Variants in STXBP2 observed in about 807,000 individuals in gnomAD.
The protein encoded by STXBP2 is syntaxin binding protein 2, also known as syntaxin-binding protein 2.
A neutral mutation model predicts 72.2 loss-of-function variants in STXBP2; 47 were observed. The observed-to-expected ratio is 0.65, with a 90% CI of 0.51 to 0.83. STXBP2 has a LOEUF of 0.83. Ranked by LOEUF, STXBP2 falls within the 40% of genes least tolerant of loss-of-function variation. The pLI is 0.00. For synonymous variants in STXBP2, 367 were observed against 338.7 expected (o/e 1.08, Z -0.92); for missense variants, 702 against 807.6 (o/e 0.87, Z 1.58).
Position 7,647,752 on chromosome 19 carries a change from G to T in STXBP2, c.1724G>T (p.Arg575Leu), listed in dbSNP as rs751679761. 7 of 1,613,718 alleles carry T rather than the reference G, an allele frequency of 4.3e-6. No homozygotes were observed. The highest frequency in any genetic ancestry group is 1.3e-5 in the African/African-American group (1 of 74,746). ...IGSSHILTPT[R>L]FLDDLKALDK... ...TCCTCACACATCCTCACCCCGACCC[G>T]CTTCCTGGATGACCTGAAGGCACTG... The change falls in exon 19 of 19, where the codon CGC becomes CTC. Residue 575 changes from arginine to leucine, a missense_variant. By Grantham distance (102) the Arg-to-Leu change is moderately radical. Coordinates refer to ENST00000221283, the MANE Select transcript of STXBP2 (RefSeq NM_006949.4).
In STXBP2 at chr19:7,642,147, G is replaced by A. The variant is rs756273504; in HGVS notation, c.663+29G>A. ...AGGGGGCGTGCTTGGGAGGTGAGGG[G>A]CAGCCCCAACCGGCTCAGGGTCAGT... On this transcript the variant is annotated intron_variant, in intron 8 of 18. Transcript: ENST00000221283. The surrounding 1 kb of genome is among the most constrained non-coding windows in gnomAD (Gnocchi z 6.0). 2 of 1,613,914 alleles carry A rather than the reference G, an allele frequency of 1.2e-6. No homozygotes were observed. Among genetic ancestry groups the A allele is most frequent in the African/African-American group, 2.7e-5 (2 of 74,898 alleles).
chr19:7,640,777 C>T lies in STXBP2; in HGVS notation c.293C>T (p.Thr98Ile), dbSNP rs2031837355. The change falls in exon 5 of 19, where the codon ACC (threonine) becomes ATC (isoleucine). Residue 98 changes from threonine (T) to isoleucine (I), a missense_variant. Transcript: ENST00000221283. ...GACTTCCAGGGGACCCCGACTTTCA[C>T]CTACAAAGCGGCCCATATCTTCTTC... ...IKDFQGTPTFTYKAAHIFFTD... is the reference protein window; with the variant it reads ...IKDFQGTPTFIYKAAHIFFTD... The T allele has an allele frequency of 6.2e-7, 1 of 1,614,174 alleles. No individual in the cohort carries two copies. Among genetic ancestry groups the T allele is most frequent in the East Asian group, 2.2e-5 (1 of 44,890 alleles).
intron 18 of STXBP2, 40 bp from the exon 19 acceptor site, chr19:7,647,685 C>T (rs1405515663): frequency 5.6e-6 from 9 of 1,607,810 alleles, no homozygotes; most frequent in South Asian, 4.4e-5. Flanking sequence ...ACGAAGGCAG[C>T]GCCCCCCAAC....
In STXBP2 at chr19:7,647,837, C is replaced by T; in HGVS notation, c.*27C>T. 1 of 1,585,166 alleles carries T rather than the reference C, an allele frequency of 6.3e-7. No individual in the cohort carries two copies. The highest frequency in any genetic ancestry group is 8.6e-7 in the Non-Finnish European group (1 of 1,156,446). ...CCCTGGCCCCGCCCCCTACCCCTCC[C>T]TTTCCAGAGAAATAAACTCTTCCCG... On this transcript the variant is annotated 3_prime_UTR_variant, in exon 19 of 19. Transcript: ENST00000221283.
rs1599389798 is a variant in STXBP2, at chr19:7,639,243, C to T, written c.169+143C>T. 15 of 896,146 alleles carry T rather than the reference C, an allele frequency of 1.7e-5. No homozygotes were observed. The East Asian group carries it at 4.0e-4, about 24-fold the overall frequency. 55.5% of individuals were successfully genotyped at this position (896,146 alleles called of 1,614,324 possible). A position where few individuals can be genotyped will look rare whatever the true frequency, so the allele number is the denominator to read the frequency against. Reference sequence around the variant, plus strand: ...GTACGCAGCTCCCTGCACGGACAGCCCGGATCATGTGACCAAATCCATTCT... The same window carrying T: ...GTACGCAGCTCCCTGCACGGACAGCTCGGATCATGTGACCAAATCCATTCT... On this transcript the variant is annotated intron_variant, in intron 3 of 18. Transcript: ENST00000221283.
intron 4 of STXBP2, 126 bp downstream of exon 4, chr19:7,639,933 TGTGTGC>T (rs2031731358): frequency 2.4e-6 from 1 of 422,686 alleles, no homozygotes; most frequent in Admixed American, 3.3e-5. Context: ...CATGTGTATG[TGTGTGC>T]ATGTGTGTGC....
intron 4 of STXBP2, chr19:7,640,076 GTC>G (rs946956256): frequency 8.0e-6 from 5 of 626,468 alleles, no homozygotes; most frequent in African/African-American, 3.7e-5. Flanking sequence ...ATGCGTGTGT[GTC>G]TGTGGGTCTG....
In STXBP2 at chr19:7,641,834, C is replaced by G; in HGVS notation, c.559C>G (p.Pro187Ala). 6.4e-7 allele frequency: 1 copy of G among 1,553,542 alleles called. No individual in the cohort carries two copies. Among genetic ancestry groups the G allele is most frequent in the Non-Finnish European group, 8.7e-7 (1 of 1,149,164 alleles). The change falls in exon 7 of 19, where the codon CCG becomes GCG. Residue 187 changes from proline to alanine, a missense_variant. Coordinates refer to ENST00000221283, the MANE Select transcript of STXBP2 (RefSeq NM_006949.4). ...GCTGTGCGCCACCCTGCAGGAGTAC[C>G]CGGCCATCCGCTACCGCAAGTGGGG... ...ATLCATLQEYPAIRYRKGPED... is the reference protein window; with the variant it reads ...ATLCATLQEYAAIRYRKGPED...
chr19:7,633,569 C>G (rs544055566), upstream of STXBP2: 1 of 999,268 alleles, frequency 1.0e-6, no homozygotes, highest in South Asian at 1.5e-5. Context: ...CCCCAAATCC[C>G]CAGCTCATGC....
upstream of STXBP2, chr19:7,632,684 C>G (rs1412261072): frequency 1.3e-6 from 2 of 1,549,238 alleles, no homozygotes; most frequent in Non-Finnish European, 1.7e-6. This position sits in a 1 kb window ranked among gnomAD's most constrained non-coding sequence, Gnocchi z 5.2. Context: ...CCGTTCACGC[C>G]CCATGGACAG....
intron 4 of STXBP2, chr19:7,640,530 G>A (rs770838947): frequency 4.3e-6 from 3 of 700,332 alleles, no homozygotes; most frequent in Middle Eastern, 2.5e-4. Context: ...GCATGCGTGT[G>A]TATGTGTGTG....
rs748692925 is a variant in STXBP2 at position 7,647,526 on chromosome 19, C to T, written c.1696+15C>T. On this transcript the variant is annotated intron_variant, in intron 18 of 18. Transcript: ENST00000221283. Reference sequence around the variant, plus strand: ...GGTGCTCATTGGTAAGTCACCAGGACTGGGACCCTGGGGTCTGGGGCTTGG... The same window carrying T: ...GGTGCTCATTGGTAAGTCACCAGGATTGGGACCCTGGGGTCTGGGGCTTGG... The T allele has an allele frequency of 5.7e-6, 9 of 1,581,944 alleles. No individual in the cohort carries two copies. The highest frequency in any genetic ancestry group is 3.4e-5 in the South Asian group (3 of 88,422).
In STXBP2 at chr19:7,643,042, G is replaced by A. The variant is rs771577128; in HGVS notation, c.1020G>A (p.Leu340=). ...AGATGCCGCAGTACCAGAAGGAGCT[G>A]AATAAGGTGTGCTCGGGTGGGCAGG... is the stretch of plus-strand genomic sequence containing the variant. The part of the protein sequence containing the change: ...LKKMPQYQKE[L]NKYSTHLHLA... The change falls in exon 12 of 19, where the codon CTG becomes CTA. Residue 340 remains leucine (L), a synonymous_variant. Coordinates refer to ENST00000221283, the MANE Select transcript of STXBP2 (RefSeq NM_006949.4). The A allele has an allele frequency of 1.2e-6, 2 of 1,614,070 alleles. No homozygotes were observed. Among genetic ancestry groups the A allele is most frequent in the African/African-American group, 1.3e-5 (1 of 74,922 alleles).
chr19:7,642,014 G>C lies in STXBP2; in HGVS notation c.579-20G>C. ...ACCCCATCCCCTGATGATGTCCCCCGTGTCTGACCTCCCCGCCAGGGGCCC... is the reference window on the plus strand; with the variant it reads ...ACCCCATCCCCTGATGATGTCCCCCCTGTCTGACCTCCCCGCCAGGGGCCC... On this transcript the variant is annotated intron_variant, in intron 7 of 18. Coordinates refer to ENST00000221283, the MANE Select transcript of STXBP2 (RefSeq NM_006949.4). The surrounding 1 kb of genome is among the most constrained non-coding windows in gnomAD (Gnocchi z 6.0). The C allele has an allele frequency of 6.2e-7, 1 of 1,613,574 alleles. No individual in the cohort carries two copies. Among genetic ancestry groups the C allele is most frequent in the Non-Finnish European group, 8.5e-7 (1 of 1,179,780 alleles).
intron 15 of STXBP2, among the ~76,000 whole-genome samples, chr19:7,645,643 C>T (rs1325559038): frequency 6.6e-6 from 1 of 151,944 alleles, no homozygotes; most frequent in Non-Finnish European, 1.5e-5. Flanking sequence ...TATCTGGGCT[C>T]CCAGGGGTCT....
At chr19:7,646,035 C>G in intron 15 of STXBP2, 1 of 595,344 alleles carries the variant, frequency 1.7e-6, no homozygotes, top group East Asian at 2.8e-5. Context: ...CTCTGGCTCG[C>G]TCTCTCTCCC....
At chr19:7,640,436 G>GTGTGCATGTGTGTA in intron 4 of STXBP2, 1 of 648,420 alleles carries the variant, frequency 1.5e-6, no homozygotes, top group Non-Finnish European at 2.8e-6. Context: ...GCATCTGTGT[G>GTGTGCATGTGTGTA]TGTGCATGTG....
At chr19:7,646,797 T>G (rs140558321) in intron 16 of STXBP2, 21 of 414,350 alleles carry the variant, frequency 5.1e-5, no homozygotes, top group Non-Finnish European at 4.9e-5. Flanking sequence ...ATACCTGGAC[T>G]TCTGGGGCTC....
At chr19:7,640,250 G>T (rs1333406961) in intron 4 of STXBP2, 2 of 548,750 alleles carry the variant, frequency 3.6e-6, no homozygotes, top group Non-Finnish European at 3.5e-6. Context: ...GTATCTGTGT[G>T]TGCATGTGTG....
Sources: allele counts gnomAD v4.1 joint callset (sites outside exome capture counted in the v4.1 genomes callset), GRCh38; gene constraint gnomAD v4.1.1; non-coding constraint Gnocchi (gnomAD v3.1); transcripts MANE v1.5; gene names NCBI Gene and HGNC (gene_info 2026-07-23, HGNC 2026-07-21).